The following ALPK1 variants were observed in gnomAD, a reference collection of about 807,000 sequenced individuals.
The protein encoded by ALPK1 is alpha-protein kinase 1.
ALPK1 carries 110 observed loss-of-function variants against 120.6 expected under a neutral mutation model. That is an observed-to-expected ratio of 0.91 (90% CI 0.78 to 1.07). ALPK1 has a LOEUF of 1.07. Among genes scored for constraint, ALPK1 ranks in the 50% least tolerant of loss-of-function variants. The pLI, the probability that ALPK1 is intolerant of heterozygous loss-of-function variation, is 0.00. For synonymous variants in ALPK1, 582 were observed against 560.3 expected (o/e 1.04, Z -0.55); for missense variants, 1,498 against 1,483.9 (o/e 1.01, Z -0.16).
intron 1 of ALPK1, among the ~76,000 whole-genome samples, chr4:112,309,870 A>G (rs1279241623): frequency 6.6e-6 from 1 of 152,124 alleles, no homozygotes; most frequent in African/African-American, 2.4e-5. Flanking sequence ...CTTGACTTAC[A>G]TGACTGCTTT....
chr4:112,357,119 G>A (rs1730666404), intron 2 of ALPK1: 2 of 1,243,168 alleles, frequency 1.6e-6, no homozygotes, highest in East Asian at 4.6e-5. Context: ...GGCCATCGAT[G>A]CTGTTGAGCT....
At chr4:112,297,682 G>T (rs867449560) in intron 1 of ALPK1, among the ~76,000 whole-genome samples, 24 of 151,976 alleles carry the variant, frequency 1.6e-4, no homozygotes. Flanking sequence ...GGGAAGGGGA[G>T]GGAGAGAAGG....
chr4:112,422,923 G>A (rs1734065330), intron 5 of ALPK1, among the ~76,000 whole-genome samples: 1 of 152,198 alleles, frequency 6.6e-6, no homozygotes, highest in African/African-American at 2.4e-5. Flanking sequence ...ATCCCTTAAC[G>A]CCCAGACTTC....
At chr4:112,313,531 T>C (rs959634593) in intron 1 of ALPK1, among the ~76,000 whole-genome samples, 2 of 152,218 alleles carry the variant, frequency 1.3e-5, no homozygotes, top group African/African-American at 4.8e-5. Flanking sequence ...GAGACCAGAC[T>C]GCCCAACATG....
chr4:112,358,191 A>T, intron 2 of ALPK1: 1 of 616,714 alleles, frequency 1.6e-6, no homozygotes. Context: ...GTGATCTGGC[A>T]CTGCCAGGAC....
At chr4:112,324,836 A>G (rs1729035004) in intron 2 of ALPK1, among the ~76,000 whole-genome samples, 1 of 152,250 alleles carries the variant, frequency 6.6e-6, no homozygotes, top group Middle Eastern at 3.4e-3. Context: ...AGCTTGTGGT[A>G]GATTGTCTGT....
rs759583514 is a variant in ALPK1 at position 112,430,564 on chromosome 4, G to A, written c.1017G>A (p.Lys339=). The A allele has an allele frequency of 2.5e-6, 4 of 1,614,164 alleles. No individual in the cohort carries two copies. Among genetic ancestry groups the A allele is most frequent in the South Asian group, 1.1e-5 (1 of 91,080 alleles). Residue 339 remains lysine, a synonymous_variant, in exon 11 of 16, where the codon AAG becomes AAA. Coordinates refer to ENST00000650871, the MANE Select transcript of ALPK1 (RefSeq NM_025144.4). ...KEAFEIGLLT[K]RDDEPVTGKQ... is the part of the protein sequence containing the mutation. ...CCTTTGAGATTGGCCTCCTCACCAA[G>A]AGAGATGATGAGCCTGTTACTGGAA...
intron 2 of ALPK1, among the ~76,000 whole-genome samples, chr4:112,329,019 C>T (rs1029769604): frequency 1.3e-5 from 2 of 152,218 alleles, no homozygotes; most frequent in Admixed American, 6.5e-5. Context: ...TACACATTGG[C>T]CTCCCCACAA....
chr4:112,359,667 G>A (rs139997003), intron 2 of ALPK1: 9 of 236,996 alleles, frequency 3.8e-5, no homozygotes, highest in Non-Finnish European at 6.9e-5. Flanking sequence ...AGGGGCCTTG[G>A]GGGAGGATGG....
chr4:112,391,128 A>G (rs1732396184), intron 4 of ALPK1, among the ~76,000 whole-genome samples: 1 of 152,220 alleles, frequency 6.6e-6, no homozygotes, highest in Non-Finnish European at 1.5e-5. Context: ...ATACCTTCCC[A>G]TGGAGATATT....
At chr4:112,405,201 C>G (rs537325234) in intron 4 of ALPK1, among the ~76,000 whole-genome samples, 16 of 152,320 alleles carry the variant, frequency 1.1e-4, no homozygotes, top group African/African-American at 3.8e-4. Context: ...CCAAGAAGCT[C>G]TGTCTCATAA....
chr4:112,427,859 T>A (rs1339282449), intron 9 of ALPK1, 194 bp downstream of exon 9: 5 of 512,332 alleles, frequency 9.8e-6, no homozygotes, highest in Non-Finnish European at 1.8e-5. Context: ...CGCCTAGCAC[T>A]GTAACAGACA....
chr4:112,396,606 C>G (rs1007872940), intron 4 of ALPK1, among the ~76,000 whole-genome samples: 1 of 152,032 alleles, frequency 6.6e-6, no homozygotes, highest in Non-Finnish European at 1.5e-5. Context: ...TAAATGGAAA[C>G]TTTTAGAATT....
At chr4:112,403,975 C>T (rs1016710799) in intron 4 of ALPK1, among the ~76,000 whole-genome samples, 1 of 152,218 alleles carries the variant, frequency 6.6e-6, no homozygotes, top group Admixed American at 6.5e-5. Flanking sequence ...GGAGGGATTC[C>T]TCCATTGGCG....
chr4:112,372,484 C>T (rs1731460687), intron 2 of ALPK1, among the ~76,000 whole-genome samples: 1 of 152,142 alleles, frequency 6.6e-6, no homozygotes, highest in South Asian at 2.1e-4. Context: ...GCTGGGATTA[C>T]AGGCGTGAGC....
rs113115489 is a variant in ALPK1, at chr4:112,339,587, CTT to C, written c.-101+23736_-101+23737del. Among the ~76,000 whole-genome samples, 52 of 152,274 alleles carry C rather than the reference CTT, an allele frequency of 3.4e-4. 1 individual carries two copies. The highest frequency in any genetic ancestry group is 1.1e-3 in the African/African-American group (47 of 41,568). On this transcript the variant is annotated intron_variant, in intron 2 of 15. Transcript: ENST00000650871. ...AGGAATGTCATCAGTAGAATATAGA[CTT>C]CACTAATTTTCCTTTGTTTTAACTA...
chr4:112,314,342 A>T (rs1234246893), intron 1 of ALPK1, among the ~76,000 whole-genome samples: 1 of 151,842 alleles, frequency 6.6e-6, no homozygotes, highest in East Asian at 1.9e-4. Flanking sequence ...GGATCCATAG[A>T]GGTCCCAGTG....
At chr4:112,335,262 TAA>T (rs577049601) in intron 2 of ALPK1, among the ~76,000 whole-genome samples, 29 of 102,046 alleles carry the variant, frequency 2.8e-4, no homozygotes, top group Admixed American at 3.2e-4. Flanking sequence ...AAAATCTGTC[TAA>T]AAAAAAAAAA....
chr4:112,357,053 A>C, intron 2 of ALPK1: 1 of 902,524 alleles, frequency 1.1e-6, no homozygotes. Flanking sequence ...CTCAGGGCTG[A>C]ACATGGAGCT....
Sources: allele counts gnomAD v4.1 joint callset (sites outside exome capture counted in the v4.1 genomes callset), GRCh38; gene constraint gnomAD v4.1.1; transcripts MANE v1.5; gene names NCBI Gene and HGNC (gene_info 2026-07-23, HGNC 2026-07-21).